Variants in LPP observed in about 807,000 individuals in gnomAD.
The protein encoded by LPP is lipoma-preferred partner.
In LPP, 38 loss-of-function variants were observed where a neutral mutation model predicts 60.4. That is an observed-to-expected ratio of 0.63 (90% CI 0.49 to 0.83). The LOEUF (loss-of-function observed/expected upper bound fraction) is 0.83, where lower values mean the gene tolerates loss of function less well. Among genes scored for constraint, LPP ranks in the 40% least tolerant of loss-of-function variants. The pLI is 0.00. For missense variants in LPP, 902 were observed against 783.6 expected (o/e 1.15, Z -1.80); for synonymous variants, 328 against 290.8 (o/e 1.13, Z -1.30).
At chr3:188,685,436 G>T (rs1051497925) in intron 7 of LPP, among the ~76,000 whole-genome samples, 3 of 152,130 alleles carry the variant, frequency 2.0e-5, no homozygotes, top group Non-Finnish European at 4.4e-5. Context: ...CTGGAATAGG[G>T]TGTACACGTA....
chr3:188,524,853 C>A, intron 6 of LPP, 66 bp downstream of exon 6: 1 of 1,502,542 alleles, frequency 6.7e-7, no homozygotes, highest in Non-Finnish European at 9.0e-7. Context: ...TCAGAAAGAA[C>A]ATGCTGCACC....
chr3:188,518,307 T>A (rs1035247767), intron 5 of LPP, among the ~76,000 whole-genome samples: 1 of 152,048 alleles, frequency 6.6e-6, no homozygotes, highest in East Asian at 1.9e-4. Context: ...AGAAAAAAAA[T>A]ACAGTGAAAT....
chr3:188,869,001 G>A lies in LPP; in HGVS notation c.1589+2623G>A, dbSNP rs116133445. Among the ~76,000 whole-genome samples the A allele has an allele frequency of 6.9e-3, 1,051 of 152,298 alleles. 12 individuals carry two copies. Among genetic ancestry groups the A allele is most frequent in the African/African-American group, 0.024 (999 of 41,560 alleles). ...AACTCCATGAGACAGGCACAGGTAA[G>A]GGCTTGCACTGTCAAAGTCAGATCA... is the stretch of plus-strand genomic sequence containing the variant. On this transcript the variant is annotated intron_variant, in intron 10 of 11. Coordinates refer to ENST00000617246, the MANE Select transcript of LPP (RefSeq NM_001375462.1).
At chr3:188,651,228 T>A (rs1580701252) in intron 7 of LPP, among the ~76,000 whole-genome samples, 1 of 152,318 alleles carries the variant, frequency 6.6e-6, no homozygotes, top group South Asian at 2.1e-4. Flanking sequence ...TATAACGCAG[T>A]CTGCCTTCCA....
At chr3:188,440,229 C>A (rs1343538001) in intron 4 of LPP, among the ~76,000 whole-genome samples, 1 of 152,186 alleles carries the variant, frequency 6.6e-6, no homozygotes, top group African/African-American at 2.4e-5. Context: ...TAAATGCTAA[C>A]TGTGTGTGAT....
At chr3:188,222,460 T>C (rs1716151400) in intron 1 of LPP, among the ~76,000 whole-genome samples, 1 of 152,154 alleles carries the variant, frequency 6.6e-6, no homozygotes, top group African/African-American at 2.4e-5. Flanking sequence ...GCATACACCT[T>C]GTTGGGTAGA....
intron 7 of LPP, among the ~76,000 whole-genome samples, chr3:188,678,554 G>A (rs1858654403): frequency 6.6e-6 from 1 of 152,168 alleles, no homozygotes; most frequent in Non-Finnish European, 1.5e-5. Flanking sequence ...TTCTCAAATG[G>A]CAGGAAGGAG....
At chr3:188,255,839 G>A (rs1257236667) in intron 2 of LPP, among the ~76,000 whole-genome samples, 5 of 152,222 alleles carry the variant, frequency 3.3e-5, no homozygotes, top group South Asian at 2.1e-4. Context: ...CTTTAGGAGG[G>A]TAAAGTAGCC....
intron 2 of LPP, among the ~76,000 whole-genome samples, chr3:188,294,345 A>T (rs1252629331): frequency 1.3e-5 from 2 of 152,212 alleles, no homozygotes; most frequent in African/African-American, 4.8e-5. Flanking sequence ...TGTAAATTAT[A>T]TCTCAATAAA....
At chr3:188,771,806 G>T (rs1300392182) in intron 9 of LPP, among the ~76,000 whole-genome samples, 2 of 152,184 alleles carry the variant, frequency 1.3e-5, no homozygotes, top group Non-Finnish European at 2.9e-5. Flanking sequence ...ACAACTGTAA[G>T]TCAGCATTTC....
chr3:188,754,674 G>A (rs1226383497), intron 8 of LPP, among the ~76,000 whole-genome samples: 2 of 151,488 alleles, frequency 1.3e-5, no homozygotes, highest in Admixed American at 6.6e-5. Flanking sequence ...TTTTTTTTAA[G>A]TTTCCCAGAT....
intron 2 of LPP, among the ~76,000 whole-genome samples, chr3:188,240,734 T>C (rs536409781): frequency 6.6e-6 from 1 of 152,160 alleles, no homozygotes; most frequent in South Asian, 2.1e-4. Context: ...CCCTCAGACA[T>C]GGTTTTGGTG....
At chr3:188,597,860 C>A (rs1840293552) in intron 6 of LPP, among the ~76,000 whole-genome samples, 1 of 152,078 alleles carries the variant, frequency 6.6e-6, no homozygotes, top group Non-Finnish European at 1.5e-5. Flanking sequence ...AATCTCTTTG[C>A]TAGACCCTAA....
Position 188,874,199 on chromosome 3 carries a change from A to G in LPP, c.1711-152A>G, listed in dbSNP as rs1768931055. 3 of 570,054 alleles carry G rather than the reference A, an allele frequency of 5.3e-6. No homozygotes were observed. The East Asian group carries it at 8.3e-5, about 16-fold the overall frequency. 35.3% of individuals were successfully genotyped at this position (570,054 alleles called of 1,614,324 possible). A position where few individuals can be genotyped will look rare whatever the true frequency, so the allele number is the denominator to read the frequency against. On this transcript the variant is annotated intron_variant, in intron 11 of 11. Transcript: ENST00000617246. ...ATATACTATGTTATATATTGGGAGA[A>G]AGGATACAGGGGATTAGCAGAATGT...
At chr3:188,482,786 AG>A (rs1326593160) in intron 4 of LPP, among the ~76,000 whole-genome samples, 4 of 152,232 alleles carry the variant, frequency 2.6e-5, no homozygotes, top group Non-Finnish European at 5.9e-5. Flanking sequence ...TAAGAGGAGT[AG>A]AAATTTTCTT....
intron 4 of LPP, among the ~76,000 whole-genome samples, chr3:188,468,647 T>C (rs1341022896): frequency 6.6e-6 from 1 of 152,098 alleles, no homozygotes; most frequent in Non-Finnish European, 1.5e-5. Flanking sequence ...AAGCATAATA[T>C]TGGAGACTCA....
At chr3:188,297,723 C>T (rs746462935) in intron 2 of LPP, among the ~76,000 whole-genome samples, 4 of 152,182 alleles carry the variant, frequency 2.6e-5, no homozygotes, top group Non-Finnish European at 4.4e-5. Flanking sequence ...CATTACCCAG[C>T]TTAATCCTTA....
chr3:188,315,318 T>C (rs1001279310), intron 2 of LPP, among the ~76,000 whole-genome samples: 7 of 152,118 alleles, frequency 4.6e-5, no homozygotes, highest in African/African-American at 1.7e-4. Flanking sequence ...CAGAGTTTAA[T>C]TTATTATTTA....
chr3:188,380,273 G>A (rs61387063), intron 3 of LPP, among the ~76,000 whole-genome samples: 1,701 of 152,346 alleles, frequency 0.011, 27 homozygotes, highest in African/African-American at 0.037. Flanking sequence ...AATTAAACTC[G>A]ATAGATTATA....
Sources: allele counts gnomAD v4.1 joint callset (sites outside exome capture counted in the v4.1 genomes callset), GRCh38; gene constraint gnomAD v4.1.1; transcripts MANE v1.5; gene names NCBI Gene and HGNC (gene_info 2026-07-23, HGNC 2026-07-21).